ZFHX3: variants seen among roughly 807,000 people sequenced by gnomAD.
ZFHX3 encodes the protein zinc finger homeobox 3, also known as zinc finger homeobox protein 3.
A neutral mutation model predicts 279.1 loss-of-function variants in ZFHX3; 42 were observed. The ratio of observed to expected loss-of-function variants is 0.15; its 90% CI spans 0.12 to 0.19. ZFHX3 has a LOEUF of 0.19. Ranked by LOEUF, ZFHX3 falls within the 10% of genes least tolerant of loss-of-function variation. The probability of loss-of-function intolerance (pLI) is 1.00; values close to 1 mark genes in which losing one functional copy is unlikely to be tolerated. For synonymous variants in ZFHX3, 2,293 were observed against 1,957.8 expected (o/e 1.17, Z -4.52); for missense variants, 4,981 against 4,754.0 (o/e 1.05, Z -1.40).
intron 3 of ZFHX3, among the ~76,000 whole-genome samples, chr16:73,349,592 A>G (rs947015787): frequency 5.5e-5 from 8 of 145,468 alleles, no homozygotes; most frequent in Non-Finnish European, 1.1e-4. Flanking sequence ...CTATCGCTTT[A>G]CCTCTCTCTC....
At chr16:73,092,929 T>G (rs761370741) in intron 8 of ZFHX3, 1 of 520,096 alleles carries the variant, frequency 1.9e-6, no homozygotes, top group South Asian at 1.4e-5. Flanking sequence ...CCATGCTAGT[T>G]GCAGAGAAAA....
At chr16:73,319,903 G>A (rs947822294) in intron 3 of ZFHX3, among the ~76,000 whole-genome samples, 1 of 152,152 alleles carries the variant, frequency 6.6e-6, no homozygotes, top group African/African-American at 2.4e-5. Context: ...TTGCTATGGC[G>A]ACGTGATGGT....
At chr16:73,635,572 T>C (rs2052520403) in intron 2 of ZFHX3, among the ~76,000 whole-genome samples, 1 of 152,130 alleles carries the variant, frequency 6.6e-6, no homozygotes, top group Admixed American at 6.6e-5. Flanking sequence ...CCCAGAAAAA[T>C]ATTTCCTCTT....
chr16:73,532,194 G>T (rs768451897), intron 2 of ZFHX3, among the ~76,000 whole-genome samples: 1 of 151,808 alleles, frequency 6.6e-6, no homozygotes, highest in Non-Finnish European at 1.5e-5. Flanking sequence ...TAGCTCCCAC[G>T]TGTTATGGGA....
At chr16:73,889,345 T>C (rs2030453244) in intron 1 of ZFHX3, among the ~76,000 whole-genome samples, 1 of 152,208 alleles carries the variant, frequency 6.6e-6, no homozygotes, top group Non-Finnish European at 1.5e-5. Context: ...GGACACGATA[T>C]GCTTTTCTAT....
chr16:73,168,583 G>C (rs1433793763), intron 5 of ZFHX3, among the ~76,000 whole-genome samples: 2 of 152,214 alleles, frequency 1.3e-5, no homozygotes, highest in East Asian at 3.9e-4. Context: ...AAGCTTCTCT[G>C]TACCTAAATG....
intron 5 of ZFHX3, among the ~76,000 whole-genome samples, chr16:73,247,753 ATGAG>A (rs1161303005): frequency 1.3e-5 from 2 of 151,560 alleles, no homozygotes; most frequent in African/African-American, 2.4e-5. Context: ...TGCGGAGTGT[ATGAG>A]TGTGTATATA....
At chr16:73,143,634 C>T in intron 6 of ZFHX3, 1 of 659,998 alleles carries the variant, frequency 1.5e-6, no homozygotes, top group South Asian at 1.5e-5. Context: ...CTGCAATTTC[C>T]TTTGAACTGT....
chr16:72,949,349 T>C (rs1289747178), intron 3 of ZFHX3, among the ~76,000 whole-genome samples: 1 of 151,554 alleles, frequency 6.6e-6, no homozygotes, highest in Non-Finnish European at 1.5e-5. Context: ...GTGAGGAAAA[T>C]GAAAAGAGAG....
chr16:73,048,658 C>T (rs1207935084), upstream of ZFHX3, among the ~76,000 whole-genome samples: 2 of 152,240 alleles, frequency 1.3e-5, no homozygotes, highest in Non-Finnish European at 2.9e-5. Context: ...TCCCTGGGCC[C>T]CGTCCACGTC....
intron 2 of ZFHX3, among the ~76,000 whole-genome samples, chr16:73,510,302 G>A (rs2019406937): frequency 6.6e-6 from 1 of 151,920 alleles, no homozygotes; most frequent in African/African-American, 2.4e-5. Flanking sequence ...TTCTCCATCA[G>A]AGCAGAAACC....
At chr16:73,782,004 A>AAAT (rs1959488933) in intron 1 of ZFHX3, among the ~76,000 whole-genome samples, 1 of 152,124 alleles carries the variant, frequency 6.6e-6, no homozygotes, top group Non-Finnish European at 1.5e-5. Flanking sequence ...AAATAAAATA[A>AAAT]AATAAACAAG....
chr16:73,409,571 C>T (rs563341612), intron 3 of ZFHX3, among the ~76,000 whole-genome samples: 29 of 152,240 alleles, frequency 1.9e-4, no homozygotes, highest in South Asian at 8.3e-4. Flanking sequence ...TTCTTCAAAA[C>T]GCGAAAAATA....
chr16:73,381,559 G>A (rs2016817951), intron 3 of ZFHX3, among the ~76,000 whole-genome samples: 2 of 152,280 alleles, frequency 1.3e-5, no homozygotes, highest in South Asian at 4.1e-4. Context: ...AGGGCAGAAA[G>A]TGATTTATTT....
chr16:73,304,410 C>A (rs1176504083), intron 4 of ZFHX3, among the ~76,000 whole-genome samples: 1 of 152,118 alleles, frequency 6.6e-6, no homozygotes, highest in East Asian at 1.9e-4. Flanking sequence ...GAGGTCCCCG[C>A]GTGCCTCTGT....
At chr16:73,320,959 C>T (rs1442223981) in intron 3 of ZFHX3, among the ~76,000 whole-genome samples, 1 of 152,206 alleles carries the variant, frequency 6.6e-6, no homozygotes, top group African/African-American at 2.4e-5. Context: ...CAGTTCTAAC[C>T]ATGAGCCACT....
chr16:73,055,692 G>GCACA (rs1232763125), intron 1 of ZFHX3, among the ~76,000 whole-genome samples: 1,450 of 95,230 alleles, frequency 0.015, 13 homozygotes, highest in African/African-American at 0.032. Flanking sequence ...GCGCGCGCGC[G>GCACA]CGCGCGCACA....
chr16:73,449,110 C>T (rs539975276), intron 3 of ZFHX3, among the ~76,000 whole-genome samples: 29 of 152,240 alleles, frequency 1.9e-4, no homozygotes, highest in African/African-American at 7.0e-4. Context: ...CAAAATATAA[C>T]AACTGTGCAG....
At chr16:73,376,535 C>T (rs2016726319) in intron 3 of ZFHX3, among the ~76,000 whole-genome samples, 1 of 152,190 alleles carries the variant, frequency 6.6e-6, no homozygotes, top group African/African-American at 2.4e-5. Flanking sequence ...TCTAAAAAGG[C>T]ACAGCCATCT....
Sources: allele counts gnomAD v4.1 joint callset (sites outside exome capture counted in the v4.1 genomes callset), GRCh38; gene constraint gnomAD v4.1.1; transcripts MANE v1.5; gene names NCBI Gene and HGNC (gene_info 2026-07-23, HGNC 2026-07-21).